The following GNA12 variants were observed in gnomAD, a reference collection of about 807,000 sequenced individuals.
The protein encoded by GNA12 is G protein subunit alpha 12, also known as guanine nucleotide-binding protein subunit alpha-12.
Under a neutral mutation model 26.0 loss-of-function variants are expected in GNA12, and 9 were observed. That is an observed-to-expected ratio of 0.35 (90% CI 0.21 to 0.60). The LOEUF (loss-of-function observed/expected upper bound fraction) is 0.60. Ranked by LOEUF, GNA12 falls within the 20% of genes least tolerant of loss-of-function variation. GNA12 has a pLI of 0.78. For synonymous variants in GNA12, 264 were observed against 219.6 expected (o/e 1.20, Z -1.79); for missense variants, 405 against 525.8 (o/e 0.77, Z 2.25).
intron 1 of GNA12, among the ~76,000 whole-genome samples, chr7:2,838,246 G>T (rs1181940998): frequency 2.8e-5 from 4 of 143,902 alleles, no homozygotes; most frequent in African/African-American, 7.8e-5. Context: ...AAACCTAGGG[G>T]AACTACCAAG....
chr7:2,794,879 T>C, intron 2 of GNA12, 49 bp downstream of exon 2: 2 of 1,305,472 alleles, frequency 1.5e-6, no homozygotes, highest in Non-Finnish European at 2.2e-6. Context: ...AAAATAGTCA[T>C]GTAAAAAACA....
chr7:2,809,175 G>A (rs771011529), intron 1 of GNA12, among the ~76,000 whole-genome samples: 34 of 152,120 alleles, frequency 2.2e-4, no homozygotes, highest in South Asian at 1.0e-3. Flanking sequence ...TCTCCCCACC[G>A]AGCACAAGCC....
At chr7:2,805,844 C>T (rs1196523914) in intron 1 of GNA12, among the ~76,000 whole-genome samples, 2 of 152,186 alleles carry the variant, frequency 1.3e-5, no homozygotes, top group Non-Finnish European at 2.9e-5. Context: ...ATCTTGGCAG[C>T]CCAGCAAGAG....
At chr7:2,782,044 T>A (rs1045680899) in intron 2 of GNA12, among the ~76,000 whole-genome samples, 16 of 152,182 alleles carry the variant, frequency 1.1e-4, no homozygotes, top group Non-Finnish European at 2.2e-4. Context: ...AAGAATGCCA[T>A]TAAATGGGGA....
At chr7:2,788,911 C>G (rs1004002035) in intron 2 of GNA12, among the ~76,000 whole-genome samples, 1 of 152,084 alleles carries the variant, frequency 6.6e-6, no homozygotes, top group Non-Finnish European at 1.5e-5. Flanking sequence ...ACCTCCATCC[C>G]TGGGCTCAAG....
chr7:2,794,878 A>G (rs1792618449), intron 2 of GNA12, 50 bp downstream of exon 2: 23 of 1,289,534 alleles, frequency 1.8e-5, no homozygotes, highest in Non-Finnish European at 2.5e-5. Flanking sequence ...CAAAATAGTC[A>G]TGTAAAAAAC....
intron 2 of GNA12, among the ~76,000 whole-genome samples, chr7:2,778,895 G>T (rs757215635): frequency 6.6e-6 from 1 of 152,176 alleles, no homozygotes; most frequent in Admixed American, 6.5e-5. Context: ...AGTGGATGGG[G>T]AATGGGGTTG....
At chr7:2,755,301 T>C (rs1330423519) in intron 2 of GNA12, among the ~76,000 whole-genome samples, 1 of 152,246 alleles carries the variant, frequency 6.6e-6, no homozygotes, top group Non-Finnish European at 1.5e-5. Context: ...AAGATCTTGC[T>C]GCGATTTTCA....
At chr7:2,796,339 T>C (rs1349028347) in intron 1 of GNA12, among the ~76,000 whole-genome samples, 1 of 152,012 alleles carries the variant, frequency 6.6e-6, no homozygotes, top group Admixed American at 6.6e-5. Flanking sequence ...GTCATGAAAG[T>C]TAAGTAAATA....
At chr7:2,787,745 G>A (rs772386957) in intron 2 of GNA12, among the ~76,000 whole-genome samples, 8 of 152,166 alleles carry the variant, frequency 5.3e-5, no homozygotes, top group Non-Finnish European at 1.2e-4. Flanking sequence ...GTGTCATTTC[G>A]CCCCTACAGC....
At chr7:2,737,279 T>TTTTTTTTTTC (rs1790247967) in intron 2 of GNA12, among the ~76,000 whole-genome samples, 1 of 73,020 alleles carries the variant, frequency 1.4e-5, no homozygotes, top group African/African-American at 6.1e-5. Context: ...GTTTTGTTTT[T>TTTTTTTTTTC]TTTTTTTTTG....
intron 1 of GNA12, among the ~76,000 whole-genome samples, chr7:2,830,546 C>T (rs561173097): frequency 6.6e-6 from 1 of 152,282 alleles, no homozygotes; most frequent in South Asian, 2.1e-4. Flanking sequence ...GGCCTGAGCC[C>T]CACCTGCTTA....
intron 1 of GNA12, among the ~76,000 whole-genome samples, chr7:2,818,178 G>T (rs1342655745): frequency 6.6e-6 from 1 of 152,208 alleles, no homozygotes; most frequent in Non-Finnish European, 1.5e-5. Flanking sequence ...ACATAATAGT[G>T]TAATTCTGCC....
At chr7:2,764,669 C>G (rs886797602) in intron 2 of GNA12, 8 of 152,242 alleles carry the variant, frequency 5.3e-5, no homozygotes, top group African/African-American at 1.9e-4. Context: ...GGGGTTCTGT[C>G]TGAATGCATC....
intron 1 of GNA12, among the ~76,000 whole-genome samples, chr7:2,820,930 G>C (rs1415476824): frequency 6.6e-6 from 1 of 152,200 alleles, no homozygotes; most frequent in African/African-American, 2.4e-5. Flanking sequence ...TGATAGAGAT[G>C]GGATCTCACT....
intron 2 of GNA12, among the ~76,000 whole-genome samples, chr7:2,773,232 T>C (rs182420394): frequency 6.6e-6 from 1 of 152,336 alleles, no homozygotes; most frequent in African/African-American, 2.4e-5. Flanking sequence ...CACCTAAGAT[T>C]TGTGCATTTT....
At chr7:2,831,017 A>G (rs1304686976) in intron 1 of GNA12, among the ~76,000 whole-genome samples, 2 of 152,098 alleles carry the variant, frequency 1.3e-5, no homozygotes, top group African/African-American at 4.8e-5. Flanking sequence ...CATTCCTTCC[A>G]GGCCATCTTC....
intron 2 of GNA12, among the ~76,000 whole-genome samples, chr7:2,773,101 C>T (rs1358210818): frequency 6.6e-6 from 1 of 152,184 alleles, no homozygotes; most frequent in Non-Finnish European, 1.5e-5. Flanking sequence ...AGCGTGGTCA[C>T]CAGGAGGAGT....
chr7:2,843,367 GGC>G (rs1452442685), intron 1 of GNA12, among the ~76,000 whole-genome samples: 13 of 152,128 alleles, frequency 8.5e-5, no homozygotes, highest in African/African-American at 3.1e-4. Context: ...AGGCAGACCG[GGC>G]GCCATGACTC....
Sources: gnomAD v4.1 joint callset for allele counts (sites outside exome capture counted in the v4.1 genomes callset) on GRCh38, gnomAD v4.1.1 for gene constraint, MANE v1.5 for transcripts, NCBI Gene and HGNC (gene_info 2026-07-23, HGNC 2026-07-21) for gene names.